DLG1: variants seen among roughly 807,000 people sequenced by gnomAD.
DLG1 encodes the protein discs large MAGUK scaffold protein 1.
DLG1 carries 42 observed loss-of-function variants against 123.4 expected under a neutral mutation model. The observed-to-expected ratio is 0.34, with a 90% CI of 0.27 to 0.44. DLG1 has a LOEUF of 0.44. Ranked by LOEUF, DLG1 falls within the 20% of genes least tolerant of loss-of-function variation. DLG1 has a pLI of 1.00. For missense variants in DLG1, 942 were observed against 1,082.6 expected (o/e 0.87, Z 1.82); for synonymous variants, 317 against 356.2 (o/e 0.89, Z 1.24).
chr3:197,216,013 T>C (rs1733942162), intron 4 of DLG1, among the ~76,000 whole-genome samples: 1 of 152,216 alleles, frequency 6.6e-6, no homozygotes, highest in African/African-American at 2.4e-5. Flanking sequence ...TGTCAAACTT[T>C]TGTATACCAC....
intron 5 of DLG1, among the ~76,000 whole-genome samples, chr3:197,171,310 G>A (rs762685423): frequency 2.6e-5 from 4 of 152,088 alleles, no homozygotes; most frequent in Non-Finnish European, 4.4e-5. Context: ...GTTTAAATCT[G>A]TTTTTTTATT....
intron 23 of DLG1, among the ~76,000 whole-genome samples, chr3:197,054,811 ATTTT>A (rs1456502643): frequency 1.3e-5 from 2 of 150,812 alleles, no homozygotes; most frequent in African/African-American, 4.9e-5. Context: ...TGGCCAGCTA[ATTTT>A]TGTTTATTTT....
intron 14 of DLG1, among the ~76,000 whole-genome samples, chr3:197,099,533 G>A (rs375573667): frequency 6.6e-6 from 1 of 152,258 alleles, no homozygotes; most frequent in South Asian, 2.1e-4. Flanking sequence ...GTATTAGGAC[G>A]TATCTGAACT....
At chr3:197,265,246 A>T (rs1011080547) in intron 4 of DLG1, among the ~76,000 whole-genome samples, 3 of 152,208 alleles carry the variant, frequency 2.0e-5, no homozygotes, top group Non-Finnish European at 4.4e-5. Context: ...CACTTCACCT[A>T]ATAGGCACAT....
intron 18 of DLG1, chr3:197,070,555 T>A (rs1444300191): frequency 6.9e-6 from 1 of 144,214 alleles, no homozygotes; most frequent in East Asian, 2.1e-4. Flanking sequence ...CACACCCAGC[T>A]GGAAATTTCA....
chr3:197,251,687 C>T (rs1169252612), intron 4 of DLG1, among the ~76,000 whole-genome samples: 5 of 152,084 alleles, frequency 3.3e-5, no homozygotes, highest in African/African-American at 1.2e-4. Flanking sequence ...AGCTAAAAAG[C>T]TTCTGCACAG....
chr3:197,281,130 C>T (rs547037687), intron 4 of DLG1, among the ~76,000 whole-genome samples: 25 of 151,672 alleles, frequency 1.6e-4, no homozygotes, highest in Non-Finnish European at 2.6e-4. Flanking sequence ...CTCCGCCTCC[C>T]AGGTTCAAGC....
chr3:197,296,558 G>A (rs1172482853), intron 2 of DLG1, 81 bp from the exon 3 acceptor site: 3 of 1,318,974 alleles, frequency 2.3e-6, no homozygotes, highest in Admixed American at 1.7e-5. Context: ...AATTCTGCAT[G>A]ACATCTAAAT....
chr3:197,226,938 A>G (rs1024309240), intron 4 of DLG1, among the ~76,000 whole-genome samples: 3 of 152,252 alleles, frequency 2.0e-5, no homozygotes, highest in African/African-American at 7.2e-5. Flanking sequence ...TGTCATTCTT[A>G]CAGTATTTTA....
At chr3:197,192,283 A>G (rs1720026470) in intron 5 of DLG1, among the ~76,000 whole-genome samples, 1 of 152,224 alleles carries the variant, frequency 6.6e-6, no homozygotes, top group Non-Finnish European at 1.5e-5. Context: ...CACATCAGAC[A>G]TTAAAAAAAT....
intron 4 of DLG1, among the ~76,000 whole-genome samples, chr3:197,228,304 G>A (rs1264211387): frequency 6.6e-6 from 1 of 152,144 alleles, no homozygotes; most frequent in Non-Finnish European, 1.5e-5. Flanking sequence ...AGACATGTCT[G>A]CTCCCCTAAA....
At chr3:197,080,249 A>C (rs373003963) in intron 17 of DLG1, among the ~76,000 whole-genome samples, 1 of 147,532 alleles carries the variant, frequency 6.8e-6, no homozygotes. Context: ...ATATATGATG[A>C]AAGAATTGAT....
intron 11 of DLG1, among the ~76,000 whole-genome samples, chr3:197,123,865 T>G (rs189355096): frequency 2.6e-5 from 4 of 152,346 alleles, no homozygotes; most frequent in African/African-American, 9.6e-5. Context: ...TACAATGGAA[T>G]AATACATAGC....
chr3:197,284,756 T>A (rs1478509064), intron 3 of DLG1, among the ~76,000 whole-genome samples: 3 of 151,892 alleles, frequency 2.0e-5, no homozygotes, highest in Non-Finnish European at 4.4e-5. Flanking sequence ...TAGGAAAAAA[T>A]TAGATTTTGG....
intron 3 of DLG1, among the ~76,000 whole-genome samples, chr3:197,289,057 T>C (rs1255789265): frequency 1.3e-5 from 2 of 152,232 alleles, no homozygotes; most frequent in East Asian, 3.8e-4. Context: ...TGTGATTCTA[T>C]AATTACGTGT....
chr3:197,129,951 T>A (rs1014095545), intron 11 of DLG1, among the ~76,000 whole-genome samples: 1 of 152,096 alleles, frequency 6.6e-6, no homozygotes, highest in Non-Finnish European at 1.5e-5. Context: ...ACAGATATAA[T>A]AATAATGAAA....
At chr3:197,181,538 C>A (rs562109571) in intron 5 of DLG1, among the ~76,000 whole-genome samples, 1 of 152,116 alleles carries the variant, frequency 6.6e-6, no homozygotes, top group Non-Finnish European at 1.5e-5. Context: ...AAAAAGTATT[C>A]TAGTATCAAG....
chr3:197,187,093 C>G (rs771223143), intron 5 of DLG1, among the ~76,000 whole-genome samples: 2 of 152,140 alleles, frequency 1.3e-5, no homozygotes, highest in Non-Finnish European at 2.9e-5. Context: ...AGAAGAGTGA[C>G]AAGAACACAG....
In DLG1 at chr3:197,106,033, T is replaced by C. The variant is rs534731588; in HGVS notation, c.1444-1028A>G. Among the ~76,000 whole-genome samples, 7 of 152,324 alleles carry C rather than the reference T, an allele frequency of 4.6e-5. No homozygotes were observed. The South Asian group carries it at 8.3e-4, about 18-fold the overall frequency. ...AAATTCTTGGGATCATAAATTTACATAAAGAACATTTTAACCATATAAAGA... is the reference window on the plus strand; with the variant it reads ...AAATTCTTGGGATCATAAATTTACACAAAGAACATTTTAACCATATAAAGA... On this transcript the variant is annotated intron_variant, in intron 13 of 24. Transcript: ENST00000667157.
Sources: gnomAD v4.1 joint callset for allele counts (sites outside exome capture counted in the v4.1 genomes callset) on GRCh38, gnomAD v4.1.1 for gene constraint, MANE v1.5 for transcripts, NCBI Gene and HGNC (gene_info 2026-07-23, HGNC 2026-07-21) for gene names.